Variants in TRIM27 observed in about 807,000 individuals in gnomAD.
The protein encoded by TRIM27 is tripartite motif containing 27, also known as zinc finger protein RFP.
A neutral mutation model predicts 57.6 loss-of-function variants in TRIM27; 12 were observed. The observed-to-expected ratio is 0.21, with a 90% CI of 0.13 to 0.34. The LOEUF is 0.34. Among genes scored for constraint, TRIM27 ranks in the 10% least tolerant of loss-of-function variants. The pLI is 1.00. For synonymous variants in TRIM27, 266 were observed against 259.0 expected (o/e 1.03, Z -0.26); for missense variants, 403 against 656.8 (o/e 0.61, Z 4.22).
rs2150498910 is a variant in TRIM27 at position 28,923,948 on chromosome 6, CA to C, written c.-317del. The C allele has an allele frequency of 7.9e-6, 3 of 379,532 alleles. No homozygotes were observed. The East Asian group carries it at 1.2e-4, about 15-fold the overall frequency. The allele number at this position is 379,532 out of a possible 1,614,324, so 23.5% of individuals were successfully genotyped here. On this transcript the variant is annotated 5_prime_UTR_variant, in exon 1 of 8. Transcript: ENST00000377199. Reference sequence around the variant, plus strand: ...GGCCAGGCGGGCAAAGCGCGCAAGACAACGTGGCCGCGTCCGAGCGGATGCC... The same window carrying C: ...GGCCAGGCGGGCAAAGCGCGCAAGACACGTGGCCGCGTCCGAGCGGATGCC...
Position 28,904,472 on chromosome 6 carries a change from T to C in TRIM27, c.1140A>G (p.Lys380=). ...CACAGACACCTATGGTCCACTTGGCTTTATCTCCCACCTCTACCTCCCAAT... is the reference window on the plus strand; with the variant it reads ...CACAGACACCTATGGTCCACTTGGCCTTATCTCCCACCTCTACCTCCCAAT... ...RHYWEVEVGD[K]AKWTIGVCED... The change falls in exon 8 of 8, where the codon AAA becomes AAG. Residue 380 remains lysine (K), a synonymous_variant. Transcript: ENST00000377199. This position sits in a 1 kb window ranked among gnomAD's most constrained non-coding sequence, Gnocchi z 6.1. The C allele has an allele frequency of 1.2e-6, 2 of 1,613,024 alleles. No homozygotes were observed. The highest frequency in any genetic ancestry group is 2.2e-5 in the South Asian group (2 of 91,072).
rs748715287 is a variant in TRIM27 at position 28,904,559 on chromosome 6, G to A, written c.1053C>T (p.Pro351=). The change falls in exon 8 of 8, where the codon CCC becomes CCT. Residue 351 remains proline (P), a synonymous_variant. Transcript: ENST00000377199. This position sits in a 1 kb window ranked among gnomAD's most constrained non-coding sequence, Gnocchi z 6.1. ...SYLQQDLPDN[P]ERFNLFPCVL... ...CACAGGGAAACAGATTGAACCTCTCGGGGTTGTCAGGCAGGTCCTGTTGGA... is the reference window on the plus strand; with the variant it reads ...CACAGGGAAACAGATTGAACCTCTCAGGGTTGTCAGGCAGGTCCTGTTGGA... 10 of 1,611,848 alleles carry A rather than the reference G, an allele frequency of 6.2e-6. No individual in the cohort carries two copies. Among genetic ancestry groups the A allele is most frequent in the African/African-American group, 1.3e-5 (1 of 75,022 alleles).
At chr6:28,916,123 G>A (rs551167691) in intron 3 of TRIM27, among the ~76,000 whole-genome samples, 1 of 151,872 alleles carries the variant, frequency 6.6e-6, no homozygotes, top group Non-Finnish European at 1.5e-5. Flanking sequence ...CACCATGTTG[G>A]CCAGGCTGGT....
chr6:28,920,253 G>C lies in TRIM27; in HGVS notation c.517-11C>G, dbSNP rs1470947844. On this transcript the variant is annotated splice_polypyrimidine_tract_variant and intron_variant, in intron 2 of 7. Coordinates refer to ENST00000377199, the MANE Select transcript of TRIM27 (RefSeq NM_006510.5). Reference sequence around the variant, plus strand: ...CATCTGGGTTAGGCTCTATGCAGACGACAGGGAAAGGCAGTAAAGAGAAAA... The same window carrying C: ...CATCTGGGTTAGGCTCTATGCAGACCACAGGGAAAGGCAGTAAAGAGAAAA... The C allele has an allele frequency of 6.3e-7, 1 of 1,575,058 alleles. No homozygotes were observed. The highest frequency in any genetic ancestry group is 1.4e-5 in the African/African-American group (1 of 73,706).
chr6:28,907,444 T>A, intron 6 of TRIM27, 182 bp from the exon 7 acceptor site: 1 of 719,432 alleles, frequency 1.4e-6, no homozygotes, highest in Non-Finnish European at 2.6e-6. Context: ...ACCAAAAGCT[T>A]TAAGGGGAGA....
intron 2 of TRIM27, 123 bp downstream of exon 2, chr6:28,921,769 G>A (rs1349337676): frequency 7.6e-6 from 6 of 786,132 alleles, no homozygotes; most frequent in South Asian, 1.6e-5. Context: ...TGCCATGTGC[G>A]GTTGATCCAC....
chr6:28,906,231 A>G (rs1419102706), intron 7 of TRIM27: 3 of 151,930 alleles, frequency 2.0e-5, no homozygotes, highest in Non-Finnish European at 4.4e-5. Flanking sequence ...AAAAAATTAA[A>G]ATAATAAATA....
chr6:28,911,453 T>C (rs1370571893), intron 4 of TRIM27: 4 of 486,540 alleles, frequency 8.2e-6, no homozygotes, highest in African/African-American at 5.9e-5. Flanking sequence ...ACCCTCTCCA[T>C]GGAAGTGTCC....
intron 4 of TRIM27, 28 bp from the exon 5 acceptor site, chr6:28,909,116 T>G: frequency 6.4e-7 from 1 of 1,557,316 alleles, no homozygotes. Context: ...GAGTAAATTT[T>G]TTTTTTTTTT....
chr6:28,911,958 G>A (rs1309453252), intron 3 of TRIM27, among the ~76,000 whole-genome samples: 1 of 152,088 alleles, frequency 6.6e-6, no homozygotes. Context: ...ACCATCCACT[G>A]GTCAAGGACC....
intron 4 of TRIM27, among the ~76,000 whole-genome samples, chr6:28,909,817 T>C (rs1426205191): frequency 1.3e-5 from 2 of 152,180 alleles, no homozygotes; most frequent in African/African-American, 4.8e-5. Flanking sequence ...AGGATGTCTA[T>C]AGCAAAGACT....
Position 28,923,494 on chromosome 6 carries a change from C to T in TRIM27, c.139G>A (p.Ala47Thr), listed in dbSNP as rs754725930. 1 of 1,611,922 alleles carries T rather than the reference C, an allele frequency of 6.2e-7. No homozygotes were observed. Residue 47 changes from alanine to threonine, a missense_variant, in exon 1 of 8, where the codon GCA (alanine) becomes ACA (threonine). By Grantham distance (58) the Ala-to-Thr change is moderately conservative (BLOSUM62 0). Transcript: ENST00000377199. ...TGCGGGCACGACACGTTAGTCTCTG[C>T]CGTGCCCCAGCAGCGGGCGAGGCAC... is the stretch of plus-strand genomic sequence containing the variant. ...CACLARCWGTAETNVSCPQCR... is the reference protein window; with the variant it reads ...CACLARCWGTTETNVSCPQCR...
Position 28,904,598 on chromosome 6 carries a change from C to T in TRIM27, c.1014G>A (p.Val338=), listed in dbSNP as rs749035571. ...SLILSDNLRQ[V]RYSYLQQDLP... ...GGTCCTGTTGGAGGTAACTGTACCG[C>T]ACTTGCCGCAGATTATCAGAGAGGA... The change falls in exon 8 of 8, where the codon GTG becomes GTA. Residue 338 remains valine, a synonymous_variant. Coordinates refer to ENST00000377199, the MANE Select transcript of TRIM27 (RefSeq NM_006510.5). The surrounding 1 kb of genome is among the most constrained non-coding windows in gnomAD (Gnocchi z 6.1). 2.5e-6 allele frequency: 4 copies of T among 1,605,448 alleles called. No individual in the cohort carries two copies. Among genetic ancestry groups the T allele is most frequent in the African/African-American group, 2.7e-5 (2 of 74,884 alleles).
rs1243718178 is a variant in TRIM27 at position 28,904,986 on chromosome 6, C to T, written c.947-321G>A. 1 of 317,792 alleles carries T rather than the reference C, an allele frequency of 3.1e-6. No homozygotes were observed. Among genetic ancestry groups the T allele is most frequent in the African/African-American group, 2.1e-5 (1 of 47,566 alleles). The allele number at this position is 317,792 out of a possible 1,614,324, so 19.7% of individuals were successfully genotyped here. On this transcript the variant is annotated intron_variant, in intron 7 of 7. Coordinates refer to ENST00000377199, the MANE Select transcript of TRIM27 (RefSeq NM_006510.5). This position sits in a 1 kb window ranked among gnomAD's most constrained non-coding sequence, Gnocchi z 6.1. ...GGAGCGCAGTGGTGTGGTCATAGTT[C>T]ATTGTAACCCCAAACTCCTGGGCTC...
chr6:28,921,014 C>T (rs1215332988), intron 2 of TRIM27, among the ~76,000 whole-genome samples: 1 of 152,152 alleles, frequency 6.6e-6, no homozygotes, highest in Non-Finnish European at 1.5e-5. Flanking sequence ...CATTTGTTTG[C>T]CATAATTTAC....
In TRIM27 at chr6:28,920,135, G is replaced by A; in HGVS notation, c.624C>T (p.Asp208=). 6.2e-7 allele frequency: 1 copy of A among 1,614,208 alleles called. No individual in the cohort carries two copies. Among genetic ancestry groups the A allele is most frequent in the Non-Finnish European group, 8.5e-7 (1 of 1,180,042 alleles). The change falls in exon 3 of 8, where the codon GAC becomes GAT. Residue 208 remains aspartate (D), a synonymous_variant. Coordinates refer to ENST00000377199, the MANE Select transcript of TRIM27 (RefSeq NM_006510.5). ...YRLLARLEEL[D]LAIYNSINGA... The stretch of plus-strand genomic sequence containing the variant: ...CATTGATGCTATTGTAGATGGCCAA[G>A]TCTAGCTCCTCAAGGCGGGCCAGGA...
intron 4 of TRIM27, among the ~76,000 whole-genome samples, chr6:28,909,847 C>A (rs974225883): frequency 6.6e-6 from 1 of 152,188 alleles, no homozygotes; most frequent in Non-Finnish European, 1.5e-5. Context: ...CTATCCAATA[C>A]CCCTTCTGCC....
intron 4 of TRIM27, among the ~76,000 whole-genome samples, chr6:28,909,683 T>C (rs1409120621): frequency 6.6e-6 from 1 of 152,218 alleles, no homozygotes; most frequent in Non-Finnish European, 1.5e-5. Context: ...CTAGATTCCA[T>C]GACAGTCCTT....
At chr6:28,906,209 A>C (rs1162249724) in intron 7 of TRIM27, 1 of 151,984 alleles carries the variant, frequency 6.6e-6, no homozygotes, top group Non-Finnish European at 1.5e-5. Context: ...TAAAATGAAT[A>C]ATAAAAAATT....
Sources: gnomAD v4.1 joint callset for allele counts (sites outside exome capture counted in the v4.1 genomes callset) on GRCh38, gnomAD v4.1.1 for gene constraint, Gnocchi (gnomAD v3.1) non-coding constraint, MANE v1.5 for transcripts, NCBI Gene and HGNC (gene_info 2026-07-23, HGNC 2026-07-21) for gene names.